The following TRAPPC9 variants were observed in gnomAD, a reference collection of about 807,000 sequenced individuals.
TRAPPC9 encodes the protein IKK2 binding protein.
TRAPPC9 carries 83 observed loss-of-function variants against 124.0 expected under a neutral mutation model. That is an observed-to-expected ratio of 0.67 (90% CI 0.56 to 0.80). The LOEUF (loss-of-function observed/expected upper bound fraction) is 0.80. TRAPPC9 is among the 30% of genes least tolerant of loss of function. TRAPPC9 has a pLI of 0.00. For missense variants in TRAPPC9, 1,302 were observed against 1,508.3 expected, an observed-to-expected ratio of 0.86 and a Z score of 2.27; for synonymous variants, 638 against 617.5, an observed-to-expected ratio of 1.03 and a Z score of -0.49.
At chr8:140,425,477 C>T (rs2070389219) in intron 5 of TRAPPC9, among the ~76,000 whole-genome samples, 1 of 152,142 alleles carries the variant, frequency 6.6e-6, no homozygotes, top group African/African-American at 2.4e-5. Flanking sequence ...TCAATTTCAC[C>T]TCTACACAAC....
At chr8:140,077,556 C>A (rs75471063) in intron 17 of TRAPPC9, among the ~76,000 whole-genome samples, 3,998 of 152,022 alleles carry the variant, frequency 0.026, 186 homozygotes, top group African/African-American at 0.092. Flanking sequence ...GTGCCTTCCG[C>A]TATCTTCTGC....
chr8:140,019,025 A>G (rs1839658401), intron 18 of TRAPPC9, among the ~76,000 whole-genome samples: 1 of 152,200 alleles, frequency 6.6e-6, no homozygotes, highest in Admixed American at 6.5e-5. Context: ...TTAAGCATTG[A>G]CTTTTGTCAA....
In TRAPPC9 at chr8:140,450,812, C is replaced by A. The variant is rs1349516473; in HGVS notation, c.562G>T (p.Val188Leu). The change falls in exon 2 of 23, where the codon GTA becomes TTA. Residue 188 changes from valine to leucine, a missense_variant. Val to Leu is a conservative substitution (Grantham distance 32). Around this residue, in one of 3 missense-constraint regions of TRAPPC9, gnomAD observed 657 missense variants for 811.2 expected, o/e 0.81. Coordinates refer to ENST00000438773, the MANE Select transcript of TRAPPC9 (RefSeq NM_001160372.4). ...LCVPFEKKDF[V>L]GLDTDSRHYK... is the part of the protein sequence containing the mutation. ...TACCTGCTGTCTGTGTCCAGTCCTA[C>A]AAAGTCCTTTTTCTCAAACGGGACA... The A allele has an allele frequency of 1.6e-5, 25 of 1,610,944 alleles. No homozygotes were observed. The highest frequency in any genetic ancestry group is 2.0e-5 in the Non-Finnish European group (23 of 1,178,596).
At chr8:139,739,505 G>A (rs1818417374) in intron 21 of TRAPPC9, among the ~76,000 whole-genome samples, 1 of 152,220 alleles carries the variant, frequency 6.6e-6, no homozygotes, top group Non-Finnish European at 1.5e-5. Flanking sequence ...CGTCTCCCGG[G>A]CTGTGTCCTC....
intron 9 of TRAPPC9, among the ~76,000 whole-genome samples, chr8:140,347,099 CA>C (rs1174729352): frequency 6.6e-6 from 1 of 152,240 alleles, no homozygotes; most frequent in Non-Finnish European, 1.5e-5. Context: ...GCATGTTTAG[CA>C]CGGCCGCAAA....
chr8:139,740,925 C>T (rs1489432935), intron 21 of TRAPPC9, among the ~76,000 whole-genome samples: 2 of 152,196 alleles, frequency 1.3e-5, no homozygotes, highest in Non-Finnish European at 2.9e-5. Context: ...TCAGGAGCAG[C>T]ACCAGGAGGG....
chr8:140,230,002 GGCAGT>G (rs951044743), intron 16 of TRAPPC9, among the ~76,000 whole-genome samples: 38 of 152,316 alleles, frequency 2.5e-4, no homozygotes, highest in Non-Finnish European at 4.7e-4. Context: ...AACTCCACAT[GGCAGT>G]GCACACAGAC....
chr8:140,113,725 G>A (rs2060825462), intron 17 of TRAPPC9, among the ~76,000 whole-genome samples: 1 of 152,150 alleles, frequency 6.6e-6, no homozygotes. Flanking sequence ...TGGGGGATAA[G>A]TTCAAGTCCA....
chr8:139,763,464 T>G (rs1820369998), intron 21 of TRAPPC9, among the ~76,000 whole-genome samples: 1 of 133,224 alleles, frequency 7.5e-6, no homozygotes, highest in Non-Finnish European at 1.6e-5. Context: ...CCTCCCTCCC[T>G]CCTTCACTCA....
At chr8:139,734,888 T>A (rs1254256613) in intron 21 of TRAPPC9, among the ~76,000 whole-genome samples, 1 of 152,232 alleles carries the variant, frequency 6.6e-6, no homozygotes, top group African/African-American at 2.4e-5. Flanking sequence ...AGGACACCTT[T>A]CTCTATTCTA....
In TRAPPC9 at chr8:139,860,270, C is replaced by T. The variant is rs547340805; in HGVS notation, c.3055+25609G>A. On this transcript the variant is annotated intron_variant, in intron 21 of 22. Coordinates refer to ENST00000438773, the MANE Select transcript of TRAPPC9 (RefSeq NM_001160372.4). ...TAGAGCTAGCCCACTGAAGACCAGC[C>T]GGGTATGACCCCACACATGCTGAGG... Among the ~76,000 whole-genome samples the T allele has an allele frequency of 1.3e-4, 20 of 152,296 alleles. No individual in the cohort carries two copies. The South Asian group carries it at 3.1e-3, about 24-fold the overall frequency.
chr8:139,949,702 G>A (rs893398276), intron 19 of TRAPPC9, among the ~76,000 whole-genome samples: 19 of 151,854 alleles, frequency 1.3e-4, no homozygotes, highest in Non-Finnish European at 2.2e-4. Context: ...TAAATCCATA[G>A]AAACCAAAAG....
At chr8:139,818,575 CAA>C (rs369756476) in intron 21 of TRAPPC9, among the ~76,000 whole-genome samples, 1 of 139,428 alleles carries the variant, frequency 7.2e-6, no homozygotes. Flanking sequence ...GGCTCTGTCT[CAA>C]AAAAAAAAAG....
intron 21 of TRAPPC9, among the ~76,000 whole-genome samples, chr8:139,789,652 G>A (rs1008813449): frequency 2.0e-5 from 3 of 152,174 alleles, no homozygotes; most frequent in African/African-American, 7.2e-5. Flanking sequence ...TCTTCCGGCC[G>A]TCCACATGTT....
chr8:140,164,838 G>A (rs914893760), intron 17 of TRAPPC9, among the ~76,000 whole-genome samples: 7 of 152,120 alleles, frequency 4.6e-5, no homozygotes, highest in Admixed American at 2.0e-4. Context: ...AATGTCCCCC[G>A]TATACAGCCT....
intron 21 of TRAPPC9, among the ~76,000 whole-genome samples, chr8:139,804,340 ACCACCG>A (rs1276825963): frequency 9.6e-6 from 1 of 103,860 alleles, no homozygotes; most frequent in African/African-American, 3.8e-5. Context: ...AAGCACCACC[ACCACCG>A]CCACCAAGCA....
In TRAPPC9 at chr8:140,252,795, G is replaced by A; in HGVS notation, c.2413C>T (p.Leu805=). Residue 805 remains leucine, a synonymous_variant, in exon 16 of 23, where the codon CTG becomes TTG. Coordinates refer to ENST00000438773, the MANE Select transcript of TRAPPC9 (RefSeq NM_001160372.4). The surrounding 1 kb of genome is among the most constrained non-coding windows in gnomAD (Gnocchi z 4.2). ...CGCTTACCATCACTGAGATCCTGCA[G>A]GAGATTCTCCTGGCAGGAGAAATCC... The part of the protein sequence containing the change: ...KLDFSCQENL[L]QDLSDDGISV... 1.9e-6 allele frequency: 3 copies of A among 1,614,008 alleles called. No individual in the cohort carries two copies. The highest frequency in any genetic ancestry group is 4.5e-5 in the East Asian group (2 of 44,862).
At chr8:139,973,566 A>G (rs925820632) in intron 19 of TRAPPC9, among the ~76,000 whole-genome samples, 6 of 152,240 alleles carry the variant, frequency 3.9e-5, no homozygotes, top group African/African-American at 1.4e-4. Context: ...AGAAGAGGGA[A>G]TAGTAACGGA....
At chr8:139,919,857 C>T (rs1436729849) in intron 19 of TRAPPC9, among the ~76,000 whole-genome samples, 1 of 152,188 alleles carries the variant, frequency 6.6e-6, no homozygotes, top group Non-Finnish European at 1.5e-5. Context: ...TCTCCATGCT[C>T]CCTGGTTTTA....
Sources: allele counts gnomAD v4.1 joint callset (sites outside exome capture counted in the v4.1 genomes callset), GRCh38; gene constraint gnomAD v4.1.1; regional missense constraint gnomAD v4.1.1; non-coding constraint Gnocchi (gnomAD v3.1); transcripts MANE v1.5; gene names NCBI Gene and HGNC (gene_info 2026-07-23, HGNC 2026-07-21).